Variants in ADAM18 observed in about 807,000 individuals in gnomAD.
ADAM18 encodes the protein disintegrin and metalloproteinase domain-containing protein 18.
In ADAM18, 117 loss-of-function variants were observed where a neutral mutation model predicts 94.4. The ratio of observed to expected loss-of-function variants is 1.24; its 90% CI spans 1.07 to 1.45. The LOEUF (loss-of-function observed/expected upper bound fraction) is 1.45, where lower values mean the gene tolerates loss of function less well. Among genes scored for constraint, ADAM18 ranks in the 40% most tolerant of loss-of-function variants. The pLI is 0.00. For missense variants in ADAM18, 936 were observed against 880.0 expected (o/e 1.06, Z -0.81); for synonymous variants, 327 against 291.6 (o/e 1.12, Z -1.24).
At chr8:39,728,204 G>T (rs1195937105) in intron 19 of ADAM18, among the ~76,000 whole-genome samples, 1 of 152,098 alleles carries the variant, frequency 6.6e-6, no homozygotes, top group Admixed American at 6.5e-5. Flanking sequence ...ACCACCTCTA[G>T]CACTGGGGAT....
intron 7 of ADAM18, among the ~76,000 whole-genome samples, chr8:39,633,340 A>G (rs535544366): frequency 6.6e-6 from 1 of 152,316 alleles, no homozygotes; most frequent in South Asian, 2.1e-4. Flanking sequence ...AATAATGGAA[A>G]AAGCTTGTAT....
intron 19 of ADAM18, among the ~76,000 whole-genome samples, chr8:39,725,719 A>T (rs935160090): frequency 6.6e-6 from 1 of 152,200 alleles, no homozygotes; most frequent in African/African-American, 2.4e-5. Context: ...CTTCCATTAC[A>T]TACATTTGGC....
At chr8:39,637,766 T>G in intron 9 of ADAM18, 63 bp downstream of exon 9, 1 of 1,399,148 alleles carries the variant, frequency 7.1e-7, no homozygotes, top group Non-Finnish European at 9.4e-7. Context: ...GGTAATTTAG[T>G]GAATTTATTG....
At chr8:39,717,428 T>C (rs1822612078) in intron 18 of ADAM18, among the ~76,000 whole-genome samples, 1 of 151,894 alleles carries the variant, frequency 6.6e-6, no homozygotes. Context: ...ACTAGTTTTA[T>C]AATTTTTTAT....
Position 39,692,742 on chromosome 8 carries a change from T to C in ADAM18, c.1902+62T>C. On this transcript the variant is annotated intron_variant, in intron 17 of 19. Transcript: ENST00000265707. ...TGTGGGTAATTCAAATAAACATCTG[T>C]TTATGAGGATTGAGAGTCTAGGTTG... 10 of 1,348,318 alleles carry C rather than the reference T, an allele frequency of 7.4e-6. No homozygotes were observed. In the South Asian group the frequency reaches 1.3e-4, roughly 18 times the overall value. The allele number at this position is 1,348,318 out of a possible 1,614,324, so 83.5% of individuals were successfully genotyped here.
chr8:39,676,100 A>T (rs1480517851), intron 14 of ADAM18, among the ~76,000 whole-genome samples: 1 of 152,134 alleles, frequency 6.6e-6, no homozygotes, highest in African/African-American at 2.4e-5. Context: ...CTACATGGGG[A>T]TCAGGGATCC....
intron 6 of ADAM18, among the ~76,000 whole-genome samples, chr8:39,619,599 T>C (rs1482030926): frequency 5.9e-5 from 9 of 152,090 alleles, no homozygotes. Flanking sequence ...ATGCCAATAA[T>C]AACCTATCTG....
chr8:39,649,650 T>C (rs990966737), intron 12 of ADAM18, among the ~76,000 whole-genome samples: 4 of 152,206 alleles, frequency 2.6e-5, no homozygotes, highest in African/African-American at 9.7e-5. Flanking sequence ...ATTCCCTTTA[T>C]ATTTGCTGTT....
Position 39,723,890 on chromosome 8 carries a change from G to A in ADAM18, c.2160G>A (p.Glu720=), listed in dbSNP as rs1450494000. The A allele has an allele frequency of 6.5e-7, 1 of 1,542,844 alleles. No individual in the cohort carries two copies. ...AAATAAGTAAATCATGTAACAGAGA[G>A]AATGCAGAGTATAATCGGTAAATAT... ...RNEISKSCNR[E]NAEYNRNSSV... The change falls in exon 19 of 20, where the codon GAG becomes GAA. Residue 720 remains glutamate, a synonymous_variant. Transcript: ENST00000265707.
chr8:39,661,364 T>G (rs1820834660), intron 12 of ADAM18, among the ~76,000 whole-genome samples: 1 of 142,710 alleles, frequency 7.0e-6, no homozygotes, highest in African/African-American at 2.7e-5. Context: ...TTGGTAGAGT[T>G]GGGGTTTCAC....
intron 8 of ADAM18, 95 bp downstream of exon 8, chr8:39,637,430 T>C (rs1361115232): frequency 1.4e-6 from 2 of 1,405,400 alleles, no homozygotes; most frequent in Admixed American, 4.4e-5. Flanking sequence ...AAATACTTTT[T>C]ATTAGTTTAA....
intron 10 of ADAM18, among the ~76,000 whole-genome samples, chr8:39,639,812 T>C (rs1360199166): frequency 6.6e-6 from 1 of 152,056 alleles, no homozygotes; most frequent in Non-Finnish European, 1.5e-5. Context: ...TTGGAGACAT[T>C]CTGGAGAAAT....
intron 14 of ADAM18, among the ~76,000 whole-genome samples, chr8:39,672,824 A>G (rs1015105833): frequency 5.3e-5 from 8 of 152,248 alleles, no homozygotes; most frequent in African/African-American, 1.9e-4. Flanking sequence ...CTGCATTGAC[A>G]TTAATATCCA....
chr8:39,683,499 A>G (rs571062128), intron 16 of ADAM18, among the ~76,000 whole-genome samples: 1 of 152,342 alleles, frequency 6.6e-6, no homozygotes, highest in Middle Eastern at 3.4e-3. Context: ...AACTGCTAGA[A>G]TCTTTGGTCA....
At chr8:39,713,594 GA>G (rs1822481574) in intron 18 of ADAM18, among the ~76,000 whole-genome samples, 1 of 151,766 alleles carries the variant, frequency 6.6e-6, no homozygotes, top group Non-Finnish European at 1.5e-5. Context: ...AAATTTACAA[GA>G]AAAAAACAAA....
intron 14 of ADAM18, among the ~76,000 whole-genome samples, chr8:39,669,086 T>C (rs985991269): frequency 6.6e-6 from 1 of 152,034 alleles, no homozygotes; most frequent in Non-Finnish European, 1.5e-5. Context: ...TTAATACTTA[T>C]TTCTGTTTGA....
chr8:39,706,046 GA>G (rs1822233364), intron 17 of ADAM18, among the ~76,000 whole-genome samples: 1 of 151,940 alleles, frequency 6.6e-6, no homozygotes, highest in African/African-American at 2.4e-5. Context: ...AGTGGTTGAG[GA>G]ATTTCAGTTC....
intron 13 of ADAM18, among the ~76,000 whole-genome samples, chr8:39,666,341 C>T (rs954498751): frequency 1.3e-5 from 2 of 152,028 alleles, no homozygotes; most frequent in Non-Finnish European, 2.9e-5. Flanking sequence ...CGCCTGGCTA[C>T]TCAGTTATTT....
intron 12 of ADAM18, among the ~76,000 whole-genome samples, chr8:39,655,470 G>T (rs955324027): frequency 6.6e-6 from 1 of 152,036 alleles, no homozygotes; most frequent in Non-Finnish European, 1.5e-5. Context: ...TCAATGGATA[G>T]ATAATAAATT....
Sources: gnomAD v4.1 joint callset for allele counts (sites outside exome capture counted in the v4.1 genomes callset) on GRCh38, gnomAD v4.1.1 for gene constraint, MANE v1.5 for transcripts, NCBI Gene and HGNC (gene_info 2026-07-23, HGNC 2026-07-21) for gene names.